Variants in TRIM36 observed in about 807,000 individuals in gnomAD.
TRIM36 encodes the protein tripartite motif containing 36.
In TRIM36, 42 loss-of-function variants were observed where a neutral mutation model predicts 72.4. The observed-to-expected ratio is 0.58, with a 90% confidence interval of 0.45 to 0.75. The LOEUF (loss-of-function observed/expected upper bound fraction) is 0.75. Among genes scored for constraint, TRIM36 ranks in the 30% least tolerant of loss-of-function variants. The pLI is 0.00. For synonymous variants in TRIM36, 315 were observed against 282.8 expected (o/e 1.11, Z -1.14); for missense variants, 913 against 857.1 (o/e 1.07, Z -0.81).
At chr5:115,161,106 T>C (rs1245605238) in intron 2 of TRIM36, among the ~76,000 whole-genome samples, 1 of 152,212 alleles carries the variant, frequency 6.6e-6, no homozygotes, top group Non-Finnish European at 1.5e-5. Context: ...CTTTGTTAAC[T>C]TGATCTGTGT....
chr5:115,170,764 A>C (rs973589), upstream of TRIM36, among the ~76,000 whole-genome samples: 61,850 of 152,080 alleles, frequency 0.41, 14,575 homozygotes, highest in African/African-American at 0.66. Flanking sequence ...GGCAAGGGAG[A>C]GACCCCCCGC....
intron 2 of TRIM36, among the ~76,000 whole-genome samples, chr5:115,151,229 G>C (rs569134376): frequency 2.6e-5 from 4 of 152,244 alleles, no homozygotes; most frequent in African/African-American, 9.6e-5. Context: ...GACTGTGTGG[G>C]AGCTGGGTGA....
rs1219158674 is a variant in TRIM36, at chr5:115,126,875, G to C, written c.1797-18C>G. ...GCTCATATCTGAAACATAATACAAAGCATCTGTATCTTCAACAATAGATCT... is the reference window on the plus strand; with the variant it reads ...GCTCATATCTGAAACATAATACAAACCATCTGTATCTTCAACAATAGATCT... On this transcript the variant is annotated intron_variant, in intron 9 of 9. Transcript: ENST00000513154. 1.3e-6 allele frequency: 2 copies of C among 1,586,718 alleles called. No individual in the cohort carries two copies. Among genetic ancestry groups the C allele is most frequent in the East Asian group, 2.2e-5 (1 of 44,570 alleles).
chr5:115,137,762 T>G, intron 5 of TRIM36, 146 bp from the exon 6 acceptor site: 1 of 905,222 alleles, frequency 1.1e-6, no homozygotes. Context: ...AAAACCAACC[T>G]AGATATTATA....
At chr5:115,133,571 G>C (rs1348591051) in intron 8 of TRIM36, among the ~76,000 whole-genome samples, 1 of 152,128 alleles carries the variant, frequency 6.6e-6, no homozygotes, top group Admixed American at 6.5e-5. Flanking sequence ...TAGCATTTAT[G>C]CTATTTAAAT....
chr5:115,160,793 C>T (rs1754442300), intron 2 of TRIM36, among the ~76,000 whole-genome samples: 1 of 152,146 alleles, frequency 6.6e-6, no homozygotes, highest in African/African-American at 2.4e-5. Context: ...TTACAGTGAG[C>T]TATGATCAAG....
intron 3 of TRIM36, among the ~76,000 whole-genome samples, chr5:115,146,655 T>C (rs1753609560): frequency 6.6e-6 from 1 of 152,216 alleles, no homozygotes; most frequent in South Asian, 2.1e-4. Flanking sequence ...CATTGTACAA[T>C]TTTAGCCAAA....
At chr5:115,148,871 C>G (rs775888162) in intron 2 of TRIM36, 1 of 152,116 alleles carries the variant, frequency 6.6e-6, no homozygotes, top group Non-Finnish European at 1.5e-5. Context: ...GGTCTTTAAA[C>G]AGCTACATCA....
Position 115,130,846 on chromosome 5 carries a change from T to A in TRIM36, c.1542A>T (p.Glu514Asp). The A allele has an allele frequency of 1.2e-6, 2 of 1,613,480 alleles. No homozygotes were observed. Among genetic ancestry groups the A allele is most frequent in the South Asian group, 2.2e-5 (2 of 90,948 alleles). The change falls in exon 9 of 10, where the codon GAA becomes GAT. Residue 514 changes from glutamate (E) to aspartate (D), a missense_variant. By Grantham distance (45) the Glu-to-Asp change is conservative. Transcript: ENST00000513154. ...LFDEKCGYNN[E>D]HLLLNLKRDR... ...CTCTCTTCAAGTTCAGCAGGAGGTG[T>A]TCATTATTATAGCCACATTTTTCAT... is the stretch of plus-strand genomic sequence containing the variant.
At chr5:115,178,421 C>T (rs930987083) in intron 1 of TRIM36, among the ~76,000 whole-genome samples, 3 of 152,174 alleles carry the variant, frequency 2.0e-5, no homozygotes, top group Admixed American at 6.5e-5. Context: ...CTGCACCTCT[C>T]GCTCTTTAGA....
intron 9 of TRIM36, among the ~76,000 whole-genome samples, chr5:115,128,043 A>T (rs184225635): frequency 0.013 from 1,945 of 149,964 alleles, 12 homozygotes; most frequent in Non-Finnish European, 0.016. Flanking sequence ...TTAAAAATTT[A>T]AAAAATTAAA....
upstream of TRIM36, among the ~76,000 whole-genome samples, chr5:115,170,879 CGCCA>C (rs1755082506): frequency 6.6e-6 from 1 of 152,242 alleles, no homozygotes; most frequent in African/African-American, 2.4e-5. Context: ...TTAAGGCGCG[CGCCA>C]GCTCAAGGAC....
chr5:115,134,226 T>C (rs1286853575), intron 7 of TRIM36, 79 bp from the exon 8 acceptor site: 2 of 1,305,120 alleles, frequency 1.5e-6, no homozygotes, highest in Non-Finnish European at 2.0e-6. Flanking sequence ...TAAAATGACA[T>C]ATAAACAGTA....
chr5:115,135,831 T>C (rs181607302), intron 7 of TRIM36, among the ~76,000 whole-genome samples: 8 of 152,222 alleles, frequency 5.3e-5, no homozygotes, highest in East Asian at 1.9e-4. Flanking sequence ...GATTCAGGTA[T>C]AGATTTGAAA....
chr5:115,148,802 A>C (rs1331153486), intron 2 of TRIM36: 2 of 152,152 alleles, frequency 1.3e-5, no homozygotes, highest in Non-Finnish European at 2.9e-5. Context: ...CTTCTTTCAT[A>C]CTATCATGTA....
In TRIM36 at chr5:115,130,894, A is replaced by G; in HGVS notation, c.1499-5T>C. On this transcript the variant is annotated splice_region_variant and splice_polypyrimidine_tract_variant and intron_variant, in intron 8 of 9. Transcript: ENST00000513154. ...CATCAAAGAGGAAGCTGAAAACTAA[A>G]TGGAGCTTAAAATTAATATCAGGCT... The G allele has an allele frequency of 6.2e-7, 1 of 1,600,378 alleles. No individual in the cohort carries two copies. The highest frequency in any genetic ancestry group is 1.1e-5 in the South Asian group (1 of 89,830).
rs144323205 is a variant in TRIM36, at chr5:115,126,219, A to G, written c.*284T>C. ...AGTGTCAGCAACACCAGCTGACAGA[A>G]ATAAATTAGATATCCTGTACATAAA... On this transcript the variant is annotated 3_prime_UTR_variant, in exon 10 of 10. Coordinates refer to ENST00000513154, the MANE Select transcript of TRIM36 (RefSeq NM_001300759.2). 2.0e-4 allele frequency: 59 copies of G among 296,784 alleles called. No homozygotes were observed. In the East Asian group the frequency reaches 2.9e-3, roughly 14 times the overall value. 18.4% of individuals were successfully genotyped at this position (296,784 alleles called of 1,614,324 possible). A position where few individuals can be genotyped will look rare whatever the true frequency, so the allele number is the denominator to read the frequency against.
Position 115,163,579 on chromosome 5 carries a change from G to A in TRIM36, c.201C>T (p.Ser67=), listed in dbSNP as rs763796944. The change falls in exon 2 of 10, where the codon AGC becomes AGT. Residue 67 remains serine, a synonymous_variant. Coordinates refer to ENST00000513154, the MANE Select transcript of TRIM36 (RefSeq NM_001300759.2). ...NDVGSDNSNQ[S]SPRLRLPSPS... is the part of the protein sequence containing the mutation. ...GGGAGGGGAGCCGAAGTCGAGGACT[G>A]CTTTGATTGGAGTTGTCTGATCCCA... The A allele has an allele frequency of 1.2e-6, 2 of 1,614,192 alleles. No homozygotes were observed. The highest frequency in any genetic ancestry group is 1.1e-5 in the South Asian group (1 of 91,080).
rs1288898763 is a variant in TRIM36 at position 115,144,642 on chromosome 5, T to C, written c.691A>G (p.Asn231Asp). Residue 231 changes from asparagine (N) to aspartate (D), a missense_variant, in exon 4 of 10, where the codon AAC becomes GAC. By Grantham distance (23) the Asn-to-Asp change is conservative (BLOSUM62 1). Transcript: ENST00000513154. ...HLCKLGGNHA[N>D]HRVTTMSSAY... ...CTGCTCATAGTGGTTACACGGTGGT[T>C]GGCATGATTACCACCCAACTTACAC... 1 of 1,614,022 alleles carries C rather than the reference T, an allele frequency of 6.2e-7. No individual in the cohort carries two copies. The highest frequency in any genetic ancestry group is 8.5e-7 in the Non-Finnish European group (1 of 1,180,022).
Sources: allele counts gnomAD v4.1 joint callset (sites outside exome capture counted in the v4.1 genomes callset), GRCh38; gene constraint gnomAD v4.1.1; transcripts MANE v1.5; gene names NCBI Gene and HGNC (gene_info 2026-07-23, HGNC 2026-07-21).